GALNT13: variants seen among roughly 807,000 people sequenced by gnomAD.
GALNT13 encodes the protein UDP-GalNAc:polypeptide N-acetylgalactosaminyltransferase 13.
A neutral mutation model predicts 64.2 loss-of-function variants in GALNT13; 28 were observed. The ratio of observed to expected loss-of-function variants is 0.44; its 90% CI spans 0.32 to 0.60. The LOEUF (loss-of-function observed/expected upper bound fraction) is 0.60. Ranked by LOEUF, GALNT13 falls within the 20% of genes least tolerant of loss-of-function variation. GALNT13 has a pLI of 0.05. For missense variants in GALNT13, 577 were observed against 669.8 expected (o/e 0.86, Z 1.53); for synonymous variants, 214 against 224.6 (o/e 0.95, Z 0.42).
the GALNT13 span, among the ~76,000 whole-genome samples, chr2:153,133,286 T>C: frequency 2.6e-5 from 4 of 152,058 alleles, no homozygotes; most frequent in African/African-American, 7.2e-5. Flanking sequence ...TTGACAGTGC[T>C]ATGAGACAGC....
At chr2:153,172,754 A>T in the GALNT13 span, among the ~76,000 whole-genome samples, 1 of 152,204 alleles carries the variant, frequency 6.6e-6, no homozygotes, top group Non-Finnish European at 1.5e-5. Context: ...GATCCAGCAA[A>T]TGACCTTACA....
chr2:153,375,661 A>AT, the GALNT13 span, among the ~76,000 whole-genome samples: 2 of 152,032 alleles, frequency 1.3e-5, no homozygotes, highest in Non-Finnish European at 2.9e-5. Flanking sequence ...AAATTTTCTG[A>AT]TTTTCCCTTT....
chr2:154,304,786 A>C (rs560809394), intron 9 of GALNT13, among the ~76,000 whole-genome samples: 1 of 152,332 alleles, frequency 6.6e-6, no homozygotes, highest in Non-Finnish European at 1.5e-5. Flanking sequence ...TTGTTTTATA[A>C]AATGGATTTA....
At chr2:154,189,767 C>T (rs1254451522) in intron 4 of GALNT13, among the ~76,000 whole-genome samples, 3 of 151,660 alleles carry the variant, frequency 2.0e-5, no homozygotes, top group Non-Finnish European at 4.4e-5. Context: ...CATTTTATTC[C>T]ACCATCCACT....
the GALNT13 span, among the ~76,000 whole-genome samples, chr2:153,510,148 A>G: frequency 2.0e-5 from 3 of 152,354 alleles, no homozygotes; most frequent in Non-Finnish European, 2.9e-5. Context: ...TGCAAATCTC[A>G]CAATGATTTA....
At chr2:154,293,378 A>G (rs934264208) in intron 8 of GALNT13, among the ~76,000 whole-genome samples, 3 of 152,186 alleles carry the variant, frequency 2.0e-5, no homozygotes, top group Non-Finnish European at 4.4e-5. Context: ...TTTTAAAGAA[A>G]CACAACATTT....
chr2:154,419,343 A>G (rs1229342779), intron 11 of GALNT13, among the ~76,000 whole-genome samples: 1 of 152,240 alleles, frequency 6.6e-6, no homozygotes, highest in African/African-American at 2.4e-5. Context: ...AGAGTTACTC[A>G]AAGATTGTAA....
At chr2:154,399,044 G>A (rs1258455851) in intron 10 of GALNT13, among the ~76,000 whole-genome samples, 1 of 152,070 alleles carries the variant, frequency 6.6e-6, no homozygotes, top group African/African-American at 2.4e-5. Flanking sequence ...CAACACTAAG[G>A]CTCACTTTTT....
chr2:153,114,584 G>C, the GALNT13 span, among the ~76,000 whole-genome samples: 4 of 152,122 alleles, frequency 2.6e-5, no homozygotes, highest in Non-Finnish European at 4.4e-5. Flanking sequence ...GCTGACACCA[G>C]TGAAGTTTTG....
chr2:153,742,987 G>C, the GALNT13 span, among the ~76,000 whole-genome samples: 2 of 117,996 alleles, frequency 1.7e-5, no homozygotes, highest in Non-Finnish European at 3.6e-5. Context: ...GAGGAGAAGT[G>C]GGGGGGGAGA....
At chr2:154,078,693 A>G (rs1334914258) in intron 3 of GALNT13, among the ~76,000 whole-genome samples, 1 of 151,512 alleles carries the variant, frequency 6.6e-6, no homozygotes, top group South Asian at 2.1e-4. Context: ...CTTTTTTTCT[A>G]TCTTTCTGAA....
intron 9 of GALNT13, among the ~76,000 whole-genome samples, chr2:154,356,593 C>G (rs572654201): frequency 6.6e-6 from 1 of 152,054 alleles, no homozygotes; most frequent in South Asian, 2.1e-4. Context: ...TCATCACTGG[C>G]ACATCTTTTT....
At chr2:153,184,580 C>G in the GALNT13 span, among the ~76,000 whole-genome samples, 69 of 152,232 alleles carry the variant, frequency 4.5e-4, 1 homozygote, top group African/African-American at 1.6e-3. Flanking sequence ...TTTGCCCATT[C>G]AGTACGATGT....
intron 3 of GALNT13, among the ~76,000 whole-genome samples, chr2:154,103,260 A>T (rs1702441066): frequency 6.6e-6 from 1 of 151,994 alleles, no homozygotes; most frequent in African/African-American, 2.4e-5. Flanking sequence ...TTCTTAAATT[A>T]TTTCTTCTGC....
chr2:153,510,514 T>C, the GALNT13 span, among the ~76,000 whole-genome samples: 1 of 152,106 alleles, frequency 6.6e-6, no homozygotes, highest in Non-Finnish European at 1.5e-5. Flanking sequence ...ACAAGGAGTG[T>C]AGGCTAAGGA....
chr2:153,670,489 A>G, the GALNT13 span, among the ~76,000 whole-genome samples: 2 of 152,188 alleles, frequency 1.3e-5, no homozygotes, highest in South Asian at 2.1e-4. Flanking sequence ...TAACAAACAG[A>G]AAGGAATAGC....
chr2:153,555,307 G>C, the GALNT13 span, among the ~76,000 whole-genome samples: 1 of 124,508 alleles, frequency 8.0e-6, no homozygotes. Flanking sequence ...CCATTCTCCT[G>C]CCTCAGCCTC....
chr2:153,228,069 G>A, the GALNT13 span, among the ~76,000 whole-genome samples: 1 of 152,172 alleles, frequency 6.6e-6, no homozygotes, highest in African/African-American at 2.4e-5. Context: ...ATGCAAGTTA[G>A]AATACTGAGC....
At chr2:153,638,190 T>A in the GALNT13 span, among the ~76,000 whole-genome samples, 1 of 152,088 alleles carries the variant, frequency 6.6e-6, no homozygotes, top group South Asian at 2.1e-4. Context: ...AGAGATGTAG[T>A]GATAGGCAGA....
Sources: gnomAD v4.1 joint callset for allele counts (sites outside exome capture counted in the v4.1 genomes callset) on GRCh38, gnomAD v4.1.1 for gene constraint, MANE v1.5 for transcripts, NCBI Gene and HGNC (gene_info 2026-07-23, HGNC 2026-07-21) for gene names.